The following KIRREL2 variants were observed in gnomAD, a reference collection of about 807,000 sequenced individuals.
The protein encoded by KIRREL2 is kin of IRRE-like protein 2.
Under a neutral mutation model 73.4 loss-of-function variants are expected in KIRREL2, and 56 were observed. The ratio of observed to expected loss-of-function variants is 0.76; its 90% CI spans 0.62 to 0.95. The LOEUF is 0.95. KIRREL2 is among the 40% of genes least tolerant of loss of function. The pLI, the probability that KIRREL2 is intolerant of heterozygous loss-of-function variation, is 0.00. For missense variants in KIRREL2, 896 were observed against 935.0 expected (o/e 0.96, Z 0.54); for synonymous variants, 407 against 404.0 (o/e 1.01, Z -0.09).
chr19:35,858,550 C>A lies in KIRREL2; in HGVS notation c.354C>A (p.His118Gln). Residue 118 changes from histidine to glutamine, a missense_variant, in exon 3 of 15, where the codon CAC becomes CAA. Physicochemically the swap from His to Gln is conservative, Grantham distance 24. Coordinates refer to ENST00000360202, the MANE Select transcript of KIRREL2 (RefSeq NM_199180.4). ...AGLRSRPAQL[H>Q]VLVPPEAPQV... ...TCCGCTCCAGACCAGCCCAACTGCA[C>A]GTGCTGGGTAAGGACCTCGCCCACT... 1 of 1,614,134 alleles carries A rather than the reference C, an allele frequency of 6.2e-7. No homozygotes were observed. The highest frequency in any genetic ancestry group is 1.1e-5 in the South Asian group (1 of 91,088).
upstream of KIRREL2, chr19:35,856,744 C>A: frequency 2.6e-6 from 1 of 385,546 alleles, no homozygotes. The surrounding 1 kb of genome is among the most constrained non-coding windows in gnomAD (Gnocchi z 5.9). Context: ...TGTTCCGGCT[C>A]CCAGACCCCA....
chr19:35,865,578 A>G (rs2146886534), intron 14 of KIRREL2, among the ~76,000 whole-genome samples: 1 of 152,298 alleles, frequency 6.6e-6, no homozygotes, highest in East Asian at 1.9e-4. Context: ...CCGTCATGAC[A>G]GCTCGATCAT....
intron 9 of KIRREL2, 101 bp downstream of exon 9, chr19:35,861,355 T>TTA (rs1973674067): frequency 6.7e-7 from 1 of 1,502,628 alleles, no homozygotes; most frequent in African/African-American, 1.4e-5. Context: ...GGAAGGAGCT[T>TTA]TACACCCAGC....
In KIRREL2 at chr19:35,861,040, C is replaced by T. The variant is rs554279522; in HGVS notation, c.1056+4C>T. On this transcript the variant is annotated splice_donor_region_variant and intron_variant, in intron 8 of 14. Coordinates refer to ENST00000360202, the MANE Select transcript of KIRREL2 (RefSeq NM_199180.4). ...GACCCGCCGCGGTGGCGCGCAGGTACAGCCCTAAATCTGAGGCGGTGGCTG... is the reference window on the plus strand; with the variant it reads ...GACCCGCCGCGGTGGCGCGCAGGTATAGCCCTAAATCTGAGGCGGTGGCTG... 2 of 1,611,142 alleles carry T rather than the reference C, an allele frequency of 1.2e-6. No individual in the cohort carries two copies. The highest frequency in any genetic ancestry group is 1.7e-6 in the Non-Finnish European group (2 of 1,179,124).
chr19:35,865,050 G>C (rs1973906473), intron 14 of KIRREL2, among the ~76,000 whole-genome samples: 2 of 151,818 alleles, frequency 1.3e-5, no homozygotes, highest in South Asian at 4.1e-4. Context: ...CATCTCCCCA[G>C]ACTGGTTCTT....
In KIRREL2 at chr19:35,858,767, C is replaced by T. The variant is rs146497161; in HGVS notation, c.425C>T (p.Ala142Val). The change falls in exon 4 of 15, where the codon GCG (alanine) becomes GTG (valine). Residue 142 changes from alanine (A) to valine (V), a missense_variant. Coordinates refer to ENST00000360202, the MANE Select transcript of KIRREL2 (RefSeq NM_199180.4). ...GTGTCTCTGGTTGCTGGAGTTCCTG[C>T]GAACCTGACATGTCGGAGCCGTGGG... Reference protein sequence around the residue: ...PSVSLVAGVPANLTCRSRGDA... With the variant: ...PSVSLVAGVPVNLTCRSRGDA... 3.9e-4 allele frequency: 622 copies of T among 1,614,192 alleles called. 2 individuals are homozygous for T. The highest frequency in any genetic ancestry group is 3.8e-3 in the South Asian group (348 of 91,088).
intron 4 of KIRREL2, 69 bp from the exon 5 acceptor site, chr19:35,859,412 C>G: frequency 6.9e-7 from 1 of 1,445,652 alleles, no homozygotes; most frequent in South Asian, 1.3e-5. Flanking sequence ...CCAATGTGGC[C>G]CAGGAAAGCC....
intron 14 of KIRREL2, 68 bp downstream of exon 14, chr19:35,864,781 C>T (rs927419107): frequency 3.2e-5 from 40 of 1,243,794 alleles, no homozygotes; most frequent in Admixed American, 1.0e-4. Context: ...ATTGTGTTTC[C>T]GTCTCTCTCC....
upstream of KIRREL2, among the ~76,000 whole-genome samples, chr19:35,856,119 T>C (rs1334867927): frequency 6.6e-6 from 1 of 152,204 alleles, no homozygotes; most frequent in Non-Finnish European, 1.5e-5. The surrounding 1 kb of genome is among the most constrained non-coding windows in gnomAD (Gnocchi z 5.9). Context: ...TCCTTCAGGC[T>C]GCTCGGGGTC....
chr19:35,862,314 G>C (rs1973728069), intron 11 of KIRREL2, among the ~76,000 whole-genome samples, 179 bp from the exon 12 acceptor site: 1 of 152,152 alleles, frequency 6.6e-6, no homozygotes, highest in Non-Finnish European at 1.5e-5. Context: ...CAAATTCTAA[G>C]ACTCCCTAAA....
chr19:35,860,408 G>A lies in KIRREL2; in HGVS notation c.779+6G>A, dbSNP rs750652028. 1.2e-6 allele frequency: 2 copies of A among 1,611,904 alleles called. No individual in the cohort carries two copies. The highest frequency in any genetic ancestry group is 1.3e-5 in the African/African-American group (1 of 75,046). On this transcript the variant is annotated splice_donor_region_variant and intron_variant, in intron 6 of 14. Transcript: ENST00000360202. ...CCTCCTGTCACAGGCTACAGGTGAG[G>A]ACGAAGACCCACCTCTCCCCAGCCC...
Position 35,866,317 on chromosome 19 carries a change from C to G in KIRREL2, c.1952C>G (p.Pro651Arg), listed in dbSNP as rs370493250. The G allele has an allele frequency of 8.7e-6, 14 of 1,612,524 alleles. No individual in the cohort carries two copies. The highest frequency in any genetic ancestry group is 4.0e-5 in the African/African-American group (3 of 74,810). Residue 651 changes from proline (P) to arginine (R), a missense_variant, in exon 15 of 15, where the codon CCC (proline) becomes CGC (arginine). Transcript: ENST00000360202. ...DFNPHLGMVPPCRLYRARAGY... is the reference protein window; with the variant it reads ...DFNPHLGMVPRCRLYRARAGY... ...AACCCACACCTGGGCATGGTCCCCC[C>G]CTGCAGACTTTACAGAGCCAGGGCA...
upstream of KIRREL2, among the ~76,000 whole-genome samples, chr19:35,853,324 C>T (rs567087163): frequency 1.4e-4 from 21 of 152,188 alleles, no homozygotes; most frequent in African/African-American, 4.3e-4. Context: ...AGGGTGTGGG[C>T]GGGAGTAAAA....
Position 35,862,540 on chromosome 19 carries a change from A to T in KIRREL2, c.1558A>T (p.Thr520Ser). 1 of 1,610,614 alleles carries T rather than the reference A, an allele frequency of 6.2e-7. No individual in the cohort carries two copies. Among genetic ancestry groups the T allele is most frequent in the Non-Finnish European group, 8.5e-7 (1 of 1,179,972 alleles). ...RIVAGVAAAT[T>S]TLLMVITGVA... Reference sequence around the variant, plus strand: ...AGTGGCCGGAGTGGCCGCTGCCACCACAACTCTCCTTATGGTCATCACTGG... The same window carrying T: ...AGTGGCCGGAGTGGCCGCTGCCACCTCAACTCTCCTTATGGTCATCACTGG... The change falls in exon 12 of 15, where the codon ACA (threonine) becomes TCA (serine). Residue 520 changes from threonine (T) to serine (S), a missense_variant. Thr to Ser is a moderately conservative substitution (Grantham distance 58). Coordinates refer to ENST00000360202, the MANE Select transcript of KIRREL2 (RefSeq NM_199180.4).
At chr19:35,851,616 C>T (rs375670819), upstream of KIRREL2, 183 of 1,613,906 alleles carry the variant, frequency 1.1e-4, 5 homozygotes, top group East Asian at 5.6e-4. Context: ...GTCAGGTTTT[C>T]AGGCAGGGCC....
In KIRREL2 at chr19:35,864,644, C is replaced by A. The variant is rs776162835; in HGVS notation, c.1726-4C>A. On this transcript the variant is annotated splice_polypyrimidine_tract_variant and splice_region_variant and intron_variant, in intron 13 of 14. Transcript: ENST00000360202. Reference sequence around the variant, plus strand: ...ATTCCCTCTCACTAAGTTCCCTACCCCAGGGCCCCATTGTGCACACTGACC... The same window carrying A: ...ATTCCCTCTCACTAAGTTCCCTACCACAGGGCCCCATTGTGCACACTGACC... The A allele has an allele frequency of 1.2e-6, 2 of 1,612,056 alleles. No homozygotes were observed. The highest frequency in any genetic ancestry group is 3.3e-5 in the Admixed American group (2 of 60,002).
At chr19:35,863,797 G>C (rs990545017) in intron 13 of KIRREL2, among the ~76,000 whole-genome samples, 2 of 142,658 alleles carry the variant, frequency 1.4e-5, no homozygotes, top group African/African-American at 5.2e-5. Context: ...TTTTTGAGAC[G>C]GAGTCTTGGT....
At chr19:35,861,283 T>C (rs772430759) in intron 9 of KIRREL2, 29 bp downstream of exon 9, 2 of 1,514,822 alleles carry the variant, frequency 1.3e-6, no homozygotes, top group South Asian at 1.3e-5. Context: ...CTAGGGGACC[T>C]GGCCCGTCCT....
In KIRREL2 at chr19:35,861,937, C is replaced by T; in HGVS notation, c.1423C>T (p.Gln475Ter). The T allele has an allele frequency of 6.2e-7, 1 of 1,613,006 alleles. No homozygotes were observed. Among genetic ancestry groups the T allele is most frequent in the Non-Finnish European group, 8.5e-7 (1 of 1,179,638 alleles). The stretch of plus-strand genomic sequence containing the variant: ...CTCTGTGCTACACATTTCGGGGACC[C>T]AGGAGTCTGACTTTAGCAGGAGCTT... Reference protein sequence around the residue: ...LISVLHISGTQESDFSRSFNC... With the variant: ...LISVLHISGT Residue 475 changes from glutamine to a stop codon, truncating the protein, a stop_gained, in exon 11 of 15, where the codon CAG becomes TAG. Transcript: ENST00000360202. LOFTEE classifies it high-confidence loss of function.
Sources: gnomAD v4.1 joint callset for allele counts (sites outside exome capture counted in the v4.1 genomes callset) on GRCh38, gnomAD v4.1.1 for gene constraint, Gnocchi (gnomAD v3.1) non-coding constraint, MANE v1.5 for transcripts, NCBI Gene and HGNC (gene_info 2026-07-23, HGNC 2026-07-21) for gene names.